Variants in ZNF428 observed in about 807,000 individuals in gnomAD.
ZNF428 encodes enzyme-like protein PIT13.
Under a neutral mutation model 15.6 loss-of-function variants are expected in ZNF428, and 5 were observed. The observed-to-expected ratio is 0.32, with a 90% CI of 0.17 to 0.67. The LOEUF is 0.67. Ranked by LOEUF, ZNF428 falls within the 30% of genes least tolerant of loss-of-function variation. The pLI is 0.73. For missense variants in ZNF428, 237 were observed against 256.0 expected, an observed-to-expected ratio of 0.93 and a Z score of 0.51; for synonymous variants, 97 against 102.2, an observed-to-expected ratio of 0.95 and a Z score of 0.31.
intron 1 of ZNF428, among the ~76,000 whole-genome samples, chr19:43,618,712 G>C (rs1269107157): frequency 6.6e-6 from 1 of 151,228 alleles, no homozygotes; most frequent in African/African-American, 2.4e-5. Context: ...AATTAATATA[G>C]CTATGTTCCA....
chr19:43,610,471 A>G (rs940573660), intron 2 of ZNF428, among the ~76,000 whole-genome samples: 2 of 151,498 alleles, frequency 1.3e-5, no homozygotes, highest in East Asian at 3.9e-4. Context: ...AAGTGCTGGG[A>G]TTATAGGTAT....
intron 2 of ZNF428, among the ~76,000 whole-genome samples, chr19:43,611,720 T>C (rs1973299165): frequency 6.6e-6 from 1 of 152,204 alleles, no homozygotes; most frequent in African/African-American, 2.4e-5. Context: ...AAGCGGTCAG[T>C]GTCTCTCTCG....
At chr19:43,611,982 C>T (rs1973302133) in intron 2 of ZNF428, 1 of 673,196 alleles carries the variant, frequency 1.5e-6, no homozygotes, top group African/African-American at 1.8e-5. Flanking sequence ...GACTTCATAC[C>T]ACTCACCCTC....
At chr19:43,608,833 CAGG>C (rs1392047517) in intron 2 of ZNF428, among the ~76,000 whole-genome samples, 3 of 149,990 alleles carry the variant, frequency 2.0e-5, no homozygotes, top group Admixed American at 6.7e-5. Flanking sequence ...GAGGCTGAGG[CAGG>C]AGAACTGCTT....
chr19:43,611,821 T>C (rs1973300398), intron 2 of ZNF428, among the ~76,000 whole-genome samples: 1 of 152,196 alleles, frequency 6.6e-6, no homozygotes, highest in South Asian at 2.1e-4. Flanking sequence ...TATGGGCTCC[T>C]TGAAGGCAGG....
chr19:43,612,476 A>G lies in ZNF428; in HGVS notation c.76+1753T>C. On this transcript the variant is annotated intron_variant, in intron 2 of 2. Transcript: ENST00000300811. This position sits in a 1 kb window ranked among gnomAD's most constrained non-coding sequence, Gnocchi z 4.2. Reference sequence around the variant, plus strand: ...ATGCCACCAGCGGAGGGGCACACACAGCCGGGGTAGGACACCTGGCAGAAG... The same window carrying G: ...ATGCCACCAGCGGAGGGGCACACACGGCCGGGGTAGGACACCTGGCAGAAG... 1 of 1,545,860 alleles carries G rather than the reference A, an allele frequency of 6.5e-7. No individual in the cohort carries two copies. The highest frequency in any genetic ancestry group is 8.8e-7 in the Non-Finnish European group (1 of 1,142,452).
Position 43,612,415 on chromosome 19 carries a change from C to A in ZNF428, c.76+1814G>T. ...CACCCAGCAGGGTGAGCACCGACAC[C>A]AGGACCAGCAAAGCCAGCAAGGCCA... On this transcript the variant is annotated intron_variant, in intron 2 of 2. Coordinates refer to ENST00000300811, the MANE Select transcript of ZNF428 (RefSeq NM_182498.4). The surrounding 1 kb of genome is among the most constrained non-coding windows in gnomAD (Gnocchi z 4.2). The A allele has an allele frequency of 6.4e-7, 1 of 1,551,458 alleles. No homozygotes were observed. Among genetic ancestry groups the A allele is most frequent in the Non-Finnish European group, 8.7e-7 (1 of 1,146,924 alleles).
intron 1 of ZNF428, among the ~76,000 whole-genome samples, chr19:43,617,060 T>G (rs1405546400): frequency 6.6e-6 from 1 of 151,932 alleles, no homozygotes; most frequent in Non-Finnish European, 1.5e-5. Flanking sequence ...CCTCCCAGAG[T>G]GCTGGGATTA....
At chr19:43,614,523 C>T in intron 1 of ZNF428, 89 bp from the exon 2 acceptor site, 1 of 1,289,422 alleles carries the variant, frequency 7.8e-7, no homozygotes, top group African/African-American at 1.5e-5. Context: ...GTGCTCACTG[C>T]TGGCATGGGG....
chr19:43,613,215 A>G, intron 2 of ZNF428: 30 of 1,551,694 alleles, frequency 1.9e-5, no homozygotes, highest in Non-Finnish European at 2.6e-5. Flanking sequence ...GAAAGAAGTC[A>G]TAGCCATTCC....
At chr19:43,609,700 C>T (rs982231046) in intron 2 of ZNF428, among the ~76,000 whole-genome samples, 2 of 151,734 alleles carry the variant, frequency 1.3e-5, no homozygotes, top group Non-Finnish European at 2.9e-5. Flanking sequence ...CAATATTGAA[C>T]CACTGCACTC....
chr19:43,611,654 T>C (rs1002861888), intron 2 of ZNF428, among the ~76,000 whole-genome samples: 1 of 152,142 alleles, frequency 6.6e-6, no homozygotes, highest in African/African-American at 2.4e-5. Context: ...AAACTCCTGC[T>C]CCTTTTTAAA....
Position 43,607,566 on chromosome 19 carries a change from C to A in ZNF428, c.*51G>T. On this transcript the variant is annotated 3_prime_UTR_variant, in exon 3 of 3. Transcript: ENST00000300811. The surrounding 1 kb of genome is among the most constrained non-coding windows in gnomAD (Gnocchi z 5.1). ...TGTCACAACCCCAATTTCCTCAGCC[C>A]CCTCCTCCCACCCCACCCCTTCTGC... The A allele has an allele frequency of 6.5e-7, 1 of 1,527,646 alleles. No homozygotes were observed. Among genetic ancestry groups the A allele is most frequent in the African/African-American group, 1.4e-5 (1 of 72,482 alleles). 94.6% of individuals were successfully genotyped at this position (1,527,646 alleles called of 1,614,324 possible).
At position 43,608,554 on chromosome 19, in the gene ZNF428, G is replaced by A. The variant is rs531741102; in HGVS notation, c.77-447C>T. On this transcript the variant is annotated intron_variant, in intron 2 of 2. Coordinates refer to ENST00000300811, the MANE Select transcript of ZNF428 (RefSeq NM_182498.4). ...CTGAGGCGGGAGGATCACTTGAGCC[G>A]AGGAGTTCCAGGCTGCATTTGAGCC... 180 of 156,934 alleles carry A rather than the reference G, an allele frequency of 1.1e-3. 1 individual carries two copies. The highest frequency in any genetic ancestry group is 2.1e-3 in the South Asian group (11 of 5,152). The allele number at this position is 156,934 out of a possible 1,614,324, so 9.7% of individuals were successfully genotyped here. A position where few individuals can be genotyped will look rare whatever the true frequency, so the allele number is the denominator to read the frequency against.
At chr19:43,613,684 C>T (rs1973335623) in intron 2 of ZNF428, 4 of 1,551,576 alleles carry the variant, frequency 2.6e-6, no homozygotes, top group South Asian at 1.2e-5. Flanking sequence ...AGAGAGATCA[C>T]AGACGATCTA....
rs2146111786 is a variant in ZNF428 at position 43,607,494 on chromosome 19, A to C, written c.*123T>G. The C allele has an allele frequency of 7.9e-7, 1 of 1,260,330 alleles. No homozygotes were observed. The highest frequency in any genetic ancestry group is 1.1e-6 in the Non-Finnish European group (1 of 934,916). 78.1% of individuals were successfully genotyped at this position (1,260,330 alleles called of 1,614,324 possible). A position where few individuals can be genotyped will look rare whatever the true frequency, so the allele number is the denominator to read the frequency against. ...CTTTTATTCTGGCCATCACACATCT[A>C]CTTCTAAGACAACACAGACCGGCAG... On this transcript the variant is annotated 3_prime_UTR_variant, in exon 3 of 3. Transcript: ENST00000300811. This position sits in a 1 kb window ranked among gnomAD's most constrained non-coding sequence, Gnocchi z 5.1.
rs1973305561 is a variant in ZNF428, at chr19:43,612,239, C to T, written c.76+1990G>A. ...CTTGAAGTCCACCAAATCAGCAACA[C>T]CCAACAGATCCTTAGTGCCCACCAA... On this transcript the variant is annotated intron_variant, in intron 2 of 2. Coordinates refer to ENST00000300811, the MANE Select transcript of ZNF428 (RefSeq NM_182498.4). The surrounding 1 kb of genome is among the most constrained non-coding windows in gnomAD (Gnocchi z 4.2). 1.3e-6 allele frequency: 2 copies of T among 1,551,732 alleles called. No individual in the cohort carries two copies. Among genetic ancestry groups the T allele is most frequent in the African/African-American group, 1.4e-5 (1 of 73,172 alleles).
chr19:43,618,773 T>C (rs1444579339), intron 1 of ZNF428, among the ~76,000 whole-genome samples: 1 of 152,116 alleles, frequency 6.6e-6, no homozygotes, highest in East Asian at 1.9e-4. Context: ...TTGGATATAA[T>C]TGTTTATCTG....
Position 43,613,365 on chromosome 19 carries a change from G to T in ZNF428, c.76+864C>A, listed in dbSNP as rs1157131508. Reference sequence around the variant, plus strand: ...CCCAACAAGGCGAGAGATCGCAGCCGATCTAGAAGTCCCTACAAGGCGAGA... The same window carrying T: ...CCCAACAAGGCGAGAGATCGCAGCCTATCTAGAAGTCCCTACAAGGCGAGA... On this transcript the variant is annotated intron_variant, in intron 2 of 2. Coordinates refer to ENST00000300811, the MANE Select transcript of ZNF428 (RefSeq NM_182498.4). 5 of 1,549,456 alleles carry T rather than the reference G, an allele frequency of 3.2e-6. No individual in the cohort carries two copies. In the East Asian group the frequency reaches 1.2e-4, roughly 38 times the overall value.
Sources: gnomAD v4.1 joint callset for allele counts (sites outside exome capture counted in the v4.1 genomes callset) on GRCh38, gnomAD v4.1.1 for gene constraint, Gnocchi (gnomAD v3.1) non-coding constraint, MANE v1.5 for transcripts, NCBI Gene and HGNC (gene_info 2026-07-23, HGNC 2026-07-21) for gene names.